The following RAPGEF5 variants were observed in gnomAD, a reference collection of about 807,000 sequenced individuals.
RAPGEF5 encodes M-Ras-regulated GEF.
In RAPGEF5, 65 loss-of-function variants were observed where a neutral mutation model predicts 125.2. The ratio of observed to expected loss-of-function variants is 0.52; its 90% confidence interval spans 0.43 to 0.64. RAPGEF5 has a LOEUF of 0.64. Ranked by LOEUF, RAPGEF5 falls within the 30% of genes least tolerant of loss-of-function variation. RAPGEF5 has a pLI of 0.00. For synonymous variants in RAPGEF5, 391 were observed against 385.9 expected (o/e 1.01, Z -0.16); for missense variants, 958 against 1,048.1 (o/e 0.91, Z 1.19).
chr7:22,302,109 CCT>C (rs1416916094), intron 5 of RAPGEF5, among the ~76,000 whole-genome samples: 1 of 152,180 alleles, frequency 6.6e-6, no homozygotes, highest in East Asian at 1.9e-4. Flanking sequence ...CCCTCTGCTC[CCT>C]GTTCATCTTC....
At chr7:22,184,900 G>C (rs1344071978) in intron 11 of RAPGEF5, among the ~76,000 whole-genome samples, 1 of 152,142 alleles carries the variant, frequency 6.6e-6, no homozygotes, top group Non-Finnish European at 1.5e-5. Flanking sequence ...GTCTGATACA[G>C]TGTCAGCTGG....
chr7:22,197,894 G>GGA (rs1554327495), intron 9 of RAPGEF5, among the ~76,000 whole-genome samples: 36 of 21,378 alleles, frequency 1.7e-3, no homozygotes, highest in African/African-American at 8.4e-3. Context: ...CTTTTTTTTT[G>GGA]GGGGGGGGTG....
At chr7:22,140,497 C>CA (rs1783222638) in intron 20 of RAPGEF5, among the ~76,000 whole-genome samples, 1 of 152,046 alleles carries the variant, frequency 6.6e-6, no homozygotes, top group Non-Finnish European at 1.5e-5. Flanking sequence ...CATGTTTTTT[C>CA]ATTTTTTGAC....
At chr7:22,161,529 CCT>C (rs1446514221) in intron 13 of RAPGEF5, among the ~76,000 whole-genome samples, 2 of 128,854 alleles carry the variant, frequency 1.6e-5, no homozygotes, top group Non-Finnish European at 3.3e-5. Flanking sequence ...AGAGCAAGAC[CCT>C]GTCTCAACAC....
At chr7:22,209,096 G>C (rs1785455749) in intron 9 of RAPGEF5, among the ~76,000 whole-genome samples, 1 of 152,186 alleles carries the variant, frequency 6.6e-6, no homozygotes, top group East Asian at 1.9e-4. Context: ...GGATGGAAAT[G>C]GGATCTACTG....
At chr7:22,293,798 A>G (rs1026183712) in intron 5 of RAPGEF5, among the ~76,000 whole-genome samples, 3 of 152,144 alleles carry the variant, frequency 2.0e-5, no homozygotes, top group Non-Finnish European at 4.4e-5. Flanking sequence ...GAAAAGGGGG[A>G]AAGAAGAGAG....
At chr7:22,150,527 A>G (rs866699785) in intron 17 of RAPGEF5, 23 bp from the exon 18 acceptor site, 1 of 1,588,322 alleles carries the variant, frequency 6.3e-7, no homozygotes, top group African/African-American at 1.4e-5. Flanking sequence ...AAAAAAAAAA[A>G]AAAAGGAATA....
rs1409042499 is a variant in RAPGEF5, at chr7:22,161,054, AAAAAT to A, written c.1429-444_1429-440del. 5.2e-4 allele frequency among the ~76,000 whole-genome samples: 43 copies of A among 82,792 alleles called. 1 individual carries two copies. The highest frequency in any genetic ancestry group is 1.9e-4 in the Non-Finnish European group (7 of 37,560). 54.3% of individuals were successfully genotyped at this position (82,792 alleles called of 152,430 possible). ...TACTAAAAATACAAAAAAAAAAAAA[AAAAAT>A]TAGCCATGCGTGGTAGCGGGCGCCT... On this transcript the variant is annotated intron_variant, in intron 13 of 25. Transcript: ENST00000665637.
chr7:22,146,623 T>C (rs1783448052), intron 19 of RAPGEF5, among the ~76,000 whole-genome samples: 1 of 152,144 alleles, frequency 6.6e-6, no homozygotes, highest in South Asian at 2.1e-4. Context: ...CATTAGAGCC[T>C]CATCTCCAAA....
At chr7:22,298,713 GT>G (rs1213734474) in intron 5 of RAPGEF5, 7 of 152,176 alleles carry the variant, frequency 4.6e-5, no homozygotes, top group Admixed American at 1.3e-4. Context: ...TAAATGTTTA[GT>G]TAAATCTGCC....
In RAPGEF5 at chr7:22,190,918, C is replaced by T. The variant is rs1784974220; in HGVS notation, c.1204+2449G>A. On this transcript the variant is annotated intron_variant, in intron 11 of 25. Coordinates refer to ENST00000665637, the MANE Select transcript of RAPGEF5 (RefSeq NM_012294.5). ...TGTGGAGGGCCACCATATGGCTACA[C>T]GCGGCCCCAGATGGCTCCATCTCCG... Among the ~76,000 whole-genome samples, 5 of 152,182 alleles carry T rather than the reference C, an allele frequency of 3.3e-5. No homozygotes were observed. The South Asian group carries it at 1.0e-3, about 32-fold the overall frequency.
At chr7:22,338,881 T>C (rs1265717850) in intron 1 of RAPGEF5, among the ~76,000 whole-genome samples, 1 of 152,106 alleles carries the variant, frequency 6.6e-6, no homozygotes, top group East Asian at 1.9e-4. Context: ...CAGAAGACCA[T>C]CAGGTGAGGA....
intron 11 of RAPGEF5, among the ~76,000 whole-genome samples, chr7:22,180,370 A>G (rs573723909): frequency 7.1e-4 from 108 of 152,264 alleles, no homozygotes; most frequent in African/African-American, 2.5e-3. Flanking sequence ...TGTGGCCACA[A>G]GACTAAGTTT....
chr7:22,156,626 T>C (rs1783816906), intron 16 of RAPGEF5, among the ~76,000 whole-genome samples, 184 bp downstream of exon 16: 1 of 152,210 alleles, frequency 6.6e-6, no homozygotes, highest in South Asian at 2.1e-4. Context: ...GACAGTATTA[T>C]GTGATCTAAG....
At chr7:22,316,477 ATATATATATATATTTTTTTT>A (rs1473109735) in intron 2 of RAPGEF5, among the ~76,000 whole-genome samples, 8 of 59,038 alleles carry the variant, frequency 1.4e-4, no homozygotes, top group East Asian at 6.7e-4. Flanking sequence ...ATATATATAT[ATATATATATATATTTTTTTT>A]TTTTTTTTTT....
chr7:22,171,035 T>C (rs1461861407), intron 11 of RAPGEF5, among the ~76,000 whole-genome samples: 6 of 152,044 alleles, frequency 3.9e-5, no homozygotes, highest in African/African-American at 1.2e-4. Context: ...TTTTTTTTTT[T>C]TTCTGCTGTG....
intron 25 of RAPGEF5, 143 bp downstream of exon 25, chr7:22,125,461 C>A: frequency 2.9e-6 from 2 of 699,808 alleles, no homozygotes; most frequent in Non-Finnish European, 4.8e-6. Flanking sequence ...AAGAGACAAT[C>A]TACTATATAT....
In RAPGEF5 at chr7:22,291,162, T is replaced by C. The variant is rs751763875; in HGVS notation, c.747+13A>G. On this transcript the variant is annotated intron_variant, in intron 6 of 25. Coordinates refer to ENST00000665637, the MANE Select transcript of RAPGEF5 (RefSeq NM_012294.5). ...TTTCTGCACCCCTAGGCAGGAAAATTGCATGGTCTTACCGCAGATGTTAGA... is the reference window on the plus strand; with the variant it reads ...TTTCTGCACCCCTAGGCAGGAAAATCGCATGGTCTTACCGCAGATGTTAGA... 2 of 1,576,310 alleles carry C rather than the reference T, an allele frequency of 1.3e-6. No homozygotes were observed. Among genetic ancestry groups the C allele is most frequent in the South Asian group, 1.2e-5 (1 of 82,682 alleles).
At chr7:22,125,496 T>C (rs1235370467) in intron 25 of RAPGEF5, 108 bp downstream of exon 25, 2 of 1,035,344 alleles carry the variant, frequency 1.9e-6, no homozygotes, top group Non-Finnish European at 3.0e-6. Context: ...TGTATATACA[T>C]ATGATACTTT....
Sources: allele counts gnomAD v4.1 joint callset (sites outside exome capture counted in the v4.1 genomes callset), GRCh38; gene constraint gnomAD v4.1.1; transcripts MANE v1.5; gene names NCBI Gene and HGNC (gene_info 2026-07-23, HGNC 2026-07-21).